Variants in ADAMTS3 observed in about 807,000 individuals in gnomAD.
The protein encoded by ADAMTS3 is ADAM metallopeptidase with thrombospondin type 1 motif 3.
A neutral mutation model predicts 129.0 loss-of-function variants in ADAMTS3; 73 were observed. The observed-to-expected ratio is 0.57, with a 90% CI of 0.47 to 0.69. ADAMTS3 has a LOEUF of 0.69. Ranked by LOEUF, ADAMTS3 falls within the 30% of genes least tolerant of loss-of-function variation. The pLI is 0.00. For missense variants in ADAMTS3, 1,457 were observed against 1,514.5 expected (o/e 0.96, Z 0.63); for synonymous variants, 477 against 510.8 (o/e 0.93, Z 0.89).
intron 3 of ADAMTS3, among the ~76,000 whole-genome samples, chr4:72,493,101 G>A (rs1417483694): frequency 6.6e-6 from 1 of 151,784 alleles, no homozygotes; most frequent in African/African-American, 2.4e-5. Flanking sequence ...TAGCCTATGT[G>A]TCTTTAATTC....
intron 4 of ADAMTS3, among the ~76,000 whole-genome samples, chr4:72,350,424 A>AT (rs1720403805): frequency 6.6e-6 from 1 of 151,948 alleles, no homozygotes; most frequent in Admixed American, 6.6e-5. Context: ...GTTTGGACAG[A>AT]TTTATTTTTC....
intron 3 of ADAMTS3, chr4:72,441,851 C>A (rs982688084): frequency 1.3e-5 from 2 of 150,376 alleles, no homozygotes; most frequent in African/African-American, 5.0e-5. Flanking sequence ...GAAGCCTTGA[C>A]AAGAAGTCCA....
At chr4:72,319,209 A>C in intron 9 of ADAMTS3, 123 bp downstream of exon 9, 1 of 1,205,022 alleles carries the variant, frequency 8.3e-7, no homozygotes, top group Non-Finnish European at 1.2e-6. Context: ...AAGTCATAAG[A>C]AAATGTTTAT....
intron 3 of ADAMTS3, among the ~76,000 whole-genome samples, chr4:72,433,737 A>T (rs1722753239): frequency 6.6e-6 from 1 of 151,942 alleles, no homozygotes. Flanking sequence ...GCTTACATAT[A>T]AGTGATTTTC....
intron 3 of ADAMTS3, among the ~76,000 whole-genome samples, chr4:72,533,642 T>A (rs1390682968): frequency 6.6e-6 from 1 of 151,938 alleles, no homozygotes; most frequent in African/African-American, 2.4e-5. Context: ...TATATGCACA[T>A]ATGTATATAT....
chr4:72,381,471 G>A (rs1206486238), intron 4 of ADAMTS3, among the ~76,000 whole-genome samples: 1 of 152,048 alleles, frequency 6.6e-6, no homozygotes. Flanking sequence ...CATGGATCAG[G>A]TCTCGGAGGC....
rs980682486 is a variant in ADAMTS3, at chr4:72,422,440, TA to T, written c.505-7470del. Among the ~76,000 whole-genome samples, 181 of 152,266 alleles carry T rather than the reference TA, an allele frequency of 1.2e-3. 1 individual carries two copies. The highest frequency in any genetic ancestry group is 4.0e-3 in the African/African-American group (165 of 41,556). ...TCCAAAATTTAACACTAATTTTTTT[TA>T]AATATTTATTTTTAGTATAGCATTA... On this transcript the variant is annotated intron_variant, in intron 3 of 21. Transcript: ENST00000286657.
At chr4:72,393,643 A>G (rs1721657499) in intron 4 of ADAMTS3, among the ~76,000 whole-genome samples, 1 of 152,226 alleles carries the variant, frequency 6.6e-6, no homozygotes, top group Non-Finnish European at 1.5e-5. Context: ...GATAACATAT[A>G]TAATCCTTTC....
chr4:72,319,422 A>C lies in ADAMTS3; in HGVS notation c.1262T>G (p.Met421Arg). The C allele has an allele frequency of 6.2e-7, 1 of 1,613,964 alleles. No homozygotes were observed. The highest frequency in any genetic ancestry group is 8.5e-7 in the Non-Finnish European group (1 of 1,179,898). The change falls in exon 9 of 22, where the codon ATG (methionine) becomes AGG (arginine). Residue 421 changes from methionine to arginine, a missense_variant. Transcript: ENST00000286657. ...QGNRCGDETAMGSVMAPLVQA... is the reference protein window; with the variant it reads ...QGNRCGDETARGSVMAPLVQA... ...TACCAAGGGAGCCATGACACTTCCC[A>C]TAGCAGTCTCATCACCACACCTGTT...
chr4:72,526,233 T>A (rs1303001801), intron 3 of ADAMTS3, among the ~76,000 whole-genome samples: 1 of 152,172 alleles, frequency 6.6e-6, no homozygotes, highest in African/African-American at 2.4e-5. Context: ...AGTCCAGGGT[T>A]GTGCTATTTA....
chr4:72,550,843 T>C (rs1020452460), intron 2 of ADAMTS3, among the ~76,000 whole-genome samples: 4 of 152,170 alleles, frequency 2.6e-5, no homozygotes, highest in Admixed American at 6.5e-5. Flanking sequence ...CCCTTGTATG[T>C]GTACTGACAA....
chr4:72,385,627 A>G (rs1322276018), intron 4 of ADAMTS3, among the ~76,000 whole-genome samples: 1 of 152,160 alleles, frequency 6.6e-6, no homozygotes, highest in Admixed American at 6.5e-5. Context: ...GTGGAAAAAG[A>G]GATAGCATGT....
At chr4:72,322,862 T>C in intron 6 of ADAMTS3, 152 bp downstream of exon 6, 1 of 569,692 alleles carries the variant, frequency 1.8e-6, no homozygotes, top group African/African-American at 1.8e-5. Flanking sequence ...AAGTCTCCAC[T>C]CATGTGGCAG....
In ADAMTS3 at chr4:72,311,167, GGCATCT is replaced by G; in HGVS notation, c.1930_1935del (p.Arg644_Cys645del). ...GTCTCCTTGGACTGACAGTAAAGGT[GGCATCT>G]TTTCTTGGCTGCATAAGATGGAGGA... On this transcript the variant is annotated inframe_deletion, in exon 14 of 22. Transcript: ENST00000286657. 1 of 1,610,128 alleles carries G rather than the reference GGCATCT, an allele frequency of 6.2e-7. No homozygotes were observed. Among genetic ancestry groups the G allele is most frequent in the Non-Finnish European group, 8.5e-7 (1 of 1,177,806 alleles).
chr4:72,420,563 G>T lies in ADAMTS3; in HGVS notation c.505-5592C>A, dbSNP rs145518339. ...CTCCGACACACTCGATCACTTAACTGCCTATCATGTTCATTGTTTATTGTT... is the reference window on the plus strand; with the variant it reads ...CTCCGACACACTCGATCACTTAACTTCCTATCATGTTCATTGTTTATTGTT... On this transcript the variant is annotated intron_variant, in intron 3 of 21. Coordinates refer to ENST00000286657, the MANE Select transcript of ADAMTS3 (RefSeq NM_014243.3). 4.6e-5 allele frequency among the ~76,000 whole-genome samples: 7 copies of T among 152,232 alleles called. No homozygotes were observed. The East Asian group carries it at 1.4e-3, about 29-fold the overall frequency.
At chr4:72,567,155 G>C (rs1383323074) in intron 2 of ADAMTS3, among the ~76,000 whole-genome samples, 1 of 152,148 alleles carries the variant, frequency 6.6e-6, no homozygotes, top group African/African-American at 2.4e-5. Context: ...TGCTTGAAAT[G>C]TCCAACTGCA....
intron 4 of ADAMTS3, among the ~76,000 whole-genome samples, chr4:72,365,884 C>G (rs1720857043): frequency 6.6e-6 from 1 of 152,240 alleles, no homozygotes; most frequent in Admixed American, 6.5e-5. Context: ...CTTTTGGTAA[C>G]AAATACTGAT....
intron 3 of ADAMTS3, among the ~76,000 whole-genome samples, chr4:72,490,069 C>A (rs1216785568): frequency 6.6e-6 from 1 of 151,768 alleles, no homozygotes; most frequent in African/African-American, 2.4e-5. Flanking sequence ...AGGTGTGATG[C>A]GATATCTCAC....
At chr4:72,526,441 TC>T (rs548887387) in intron 3 of ADAMTS3, among the ~76,000 whole-genome samples, 131 of 152,102 alleles carry the variant, frequency 8.6e-4, no homozygotes, top group African/African-American at 2.9e-3. Flanking sequence ...GCAATTTTTT[TC>T]ATTGTTAAAT....
Sources: allele counts gnomAD v4.1 joint callset (sites outside exome capture counted in the v4.1 genomes callset), GRCh38; gene constraint gnomAD v4.1.1; transcripts MANE v1.5; gene names NCBI Gene and HGNC (gene_info 2026-07-23, HGNC 2026-07-21).